The following LRMDA variants were observed in gnomAD, a reference collection of about 807,000 sequenced individuals.
LRMDA encodes leucine-rich melanocyte differentiation-associated protein.
A neutral mutation model predicts 29.8 loss-of-function variants in LRMDA; 18 were observed. That is an observed-to-expected ratio of 0.60 (90% CI 0.42 to 0.90). The LOEUF (loss-of-function observed/expected upper bound fraction) is 0.90, where lower values mean the gene tolerates loss of function less well. Among genes scored for constraint, LRMDA ranks in the 40% least tolerant of loss-of-function variants. The pLI is 0.00. For synonymous variants in LRMDA, 125 were observed against 109.4 expected, an observed-to-expected ratio of 1.14 and a Z score of -0.89; for missense variants, 273 against 273.9, an observed-to-expected ratio of 1.00 and a Z score of 0.02.
At chr10:76,474,899 A>C (rs1162242003) in intron 6 of LRMDA, among the ~76,000 whole-genome samples, 1 of 151,712 alleles carries the variant, frequency 6.6e-6, no homozygotes, top group Non-Finnish European at 1.5e-5. Context: ...ATGCAAACAA[A>C]ATTTGGTCAT....
intron 2 of LRMDA, among the ~76,000 whole-genome samples, chr10:75,617,626 T>C (rs1181834634): frequency 6.6e-6 from 1 of 152,194 alleles, no homozygotes; most frequent in Non-Finnish European, 1.5e-5. Flanking sequence ...TCTCTCTTGC[T>C]ACTTCTCTGT....
Position 75,945,959 on chromosome 10 carries a change from T to G in LRMDA, c.132-90049T>G, listed in dbSNP as rs190770819. ...TTCAACTAGAACTAAGGTTTCTGAC[T>G]TTCAGCTATATATCTCTTTTGTTAG... On this transcript the variant is annotated intron_variant, in intron 2 of 6. Transcript: ENST00000611255. Among the ~76,000 whole-genome samples, 163 of 152,328 alleles carry G rather than the reference T, an allele frequency of 1.1e-3. 1 individual carries two copies. Among genetic ancestry groups the G allele is most frequent in the Non-Finnish European group, 1.9e-3 (132 of 68,028 alleles).
intron 5 of LRMDA, among the ~76,000 whole-genome samples, chr10:76,086,895 A>G (rs1277953355): frequency 1.2e-4 from 18 of 152,182 alleles, no homozygotes; most frequent in Admixed American, 1.2e-3. Flanking sequence ...AAAAGGGCTG[A>G]GTGGGTGGAG....
At chr10:75,978,642 C>G (rs1847115101) in intron 2 of LRMDA, among the ~76,000 whole-genome samples, 1 of 152,114 alleles carries the variant, frequency 6.6e-6, no homozygotes, top group African/African-American at 2.4e-5. Context: ...CCAGTATTGT[C>G]CTGTGGTTTT....
At chr10:76,128,499 G>A (rs1357551967) in intron 5 of LRMDA, among the ~76,000 whole-genome samples, 2 of 152,222 alleles carry the variant, frequency 1.3e-5, no homozygotes, top group African/African-American at 2.4e-5. Context: ...GAAATTAAAA[G>A]CAAACTTTGA....
chr10:76,484,280 A>G (rs1842760671), intron 6 of LRMDA, among the ~76,000 whole-genome samples: 1 of 151,102 alleles, frequency 6.6e-6, no homozygotes, highest in Non-Finnish European at 1.5e-5. Flanking sequence ...ATTTTTCCTT[A>G]ACTGTTTTAG....
At chr10:75,620,092 C>T (rs762973352) in intron 2 of LRMDA, among the ~76,000 whole-genome samples, 1 of 152,140 alleles carries the variant, frequency 6.6e-6, no homozygotes, top group South Asian at 2.1e-4. Flanking sequence ...AACAGGCCCT[C>T]CAAAATGCAC....
intron 5 of LRMDA, among the ~76,000 whole-genome samples, chr10:76,267,843 A>G (rs1840024737): frequency 6.6e-6 from 1 of 152,098 alleles, no homozygotes; most frequent in South Asian, 2.1e-4. Context: ...TGACCCTTGT[A>G]TTATTATTTA....
At chr10:75,875,493 GCA>G (rs1845181378) in intron 2 of LRMDA, among the ~76,000 whole-genome samples, 1 of 152,126 alleles carries the variant, frequency 6.6e-6, no homozygotes, top group African/African-American at 2.4e-5. Context: ...GAGTGCAATG[GCA>G]TGATCTTGGC....
chr10:76,074,989 C>T lies in LRMDA; in HGVS notation c.516+16206C>T, dbSNP rs544201348. 3.9e-5 allele frequency among the ~76,000 whole-genome samples: 6 copies of T among 152,162 alleles called. No individual in the cohort carries two copies. The South Asian group carries it at 1.2e-3, about 32-fold the overall frequency. ...GCCTTGAGTCCTTCCTGGGTTCAGC[C>T]CATGGATGGAGCAAGCATGAGAACA... On this transcript the variant is annotated intron_variant, in intron 5 of 6. Transcript: ENST00000611255.
intron 6 of LRMDA, among the ~76,000 whole-genome samples, chr10:76,353,053 T>A (rs1299641158): frequency 6.6e-6 from 1 of 152,126 alleles, no homozygotes; most frequent in Non-Finnish European, 1.5e-5. Context: ...GTCTACAGAT[T>A]CACCTCTAGG....
At position 75,629,117 on chromosome 10, in the gene LRMDA, G is replaced by A. The variant is rs188998973; in HGVS notation, c.131+190623G>A. ...TGCTCTTGTTAGAGCTGGCCACAGA[G>A]CACTCAGTTACCTCACTGTGACTCC... On this transcript the variant is annotated intron_variant, in intron 2 of 6. Transcript: ENST00000611255. Among the ~76,000 whole-genome samples the A allele has an allele frequency of 1.6e-3, 250 of 152,326 alleles. 4 individuals carry two copies. Among genetic ancestry groups the A allele is most frequent in the Non-Finnish European group, 1.1e-3 (75 of 68,032 alleles).
chr10:76,138,481 C>T (rs2132146591), intron 5 of LRMDA, among the ~76,000 whole-genome samples: 1 of 152,240 alleles, frequency 6.6e-6, no homozygotes, highest in South Asian at 2.1e-4. Flanking sequence ...GTCAGGCATT[C>T]CTCAATTATA....
intron 2 of LRMDA, among the ~76,000 whole-genome samples, chr10:75,788,668 G>A (rs976752959): frequency 1.3e-5 from 2 of 152,230 alleles, no homozygotes; most frequent in African/African-American, 4.8e-5. Flanking sequence ...AGAGAGAGCT[G>A]TTTGTTAACC....
At chr10:76,332,035 G>A (rs1840910271) in intron 6 of LRMDA, among the ~76,000 whole-genome samples, 1 of 152,134 alleles carries the variant, frequency 6.6e-6, no homozygotes, top group African/African-American at 2.4e-5. Flanking sequence ...TGCTGAAATG[G>A]TTTAAAAACT....
chr10:75,579,107 C>G (rs1840551064), intron 2 of LRMDA, among the ~76,000 whole-genome samples: 1 of 152,116 alleles, frequency 6.6e-6, no homozygotes. Context: ...ACGAAAAACC[C>G]TTCAAAAAAA....
chr10:76,030,761 C>T (rs912784572), intron 2 of LRMDA, among the ~76,000 whole-genome samples: 3 of 152,220 alleles, frequency 2.0e-5, no homozygotes, highest in Non-Finnish European at 2.9e-5. Context: ...TGCACTCCAG[C>T]CTGATGACAG....
At chr10:75,974,839 A>C (rs1056610423) in intron 2 of LRMDA, among the ~76,000 whole-genome samples, 1 of 152,220 alleles carries the variant, frequency 6.6e-6, no homozygotes, top group African/African-American at 2.4e-5. Flanking sequence ...AATATATACC[A>C]TAGATAATAA....
intron 5 of LRMDA, among the ~76,000 whole-genome samples, chr10:76,128,394 A>T (rs191910449): frequency 6.6e-6 from 1 of 152,194 alleles, no homozygotes; most frequent in African/African-American, 2.4e-5. Context: ...AGTTCTGTCA[A>T]TGCTTTTCAG....
Sources: gnomAD v4.1 joint callset for allele counts (sites outside exome capture counted in the v4.1 genomes callset) on GRCh38, gnomAD v4.1.1 for gene constraint, MANE v1.5 for transcripts, NCBI Gene and HGNC (gene_info 2026-07-23, HGNC 2026-07-21) for gene names.